Variants in LAMA2 observed in about 807,000 individuals in gnomAD.
The protein encoded by LAMA2 is laminin subunit alpha 2.
A neutral mutation model predicts 364.8 loss-of-function variants in LAMA2; 269 were observed. The ratio of observed to expected loss-of-function variants is 0.74; its 90% CI spans 0.67 to 0.82. LAMA2 has a LOEUF of 0.82. Ranked by LOEUF, LAMA2 falls within the 40% of genes least tolerant of loss-of-function variation. The probability of loss-of-function intolerance (pLI) is 0.00; values close to 1 mark genes in which losing one functional copy is unlikely to be tolerated. For synonymous variants in LAMA2, 1,379 were observed against 1,370.6 expected, an observed-to-expected ratio of 1.01 and a Z score of -0.14; for missense variants, 3,807 against 3,873.2, an observed-to-expected ratio of 0.98 and a Z score of 0.45.
intron 3 of LAMA2, among the ~76,000 whole-genome samples, chr6:129,077,579 T>C (rs1773742286): frequency 6.6e-6 from 1 of 152,176 alleles, no homozygotes; most frequent in African/African-American, 2.4e-5. Context: ...GATAAATATG[T>C]ATATGTAGTG....
intron 1 of LAMA2, among the ~76,000 whole-genome samples, chr6:128,892,944 C>A (rs150814408): frequency 6.6e-6 from 1 of 151,834 alleles, no homozygotes; most frequent in African/African-American, 2.4e-5. Context: ...AACTTGGGAA[C>A]GCTGGATTTT....
intron 1 of LAMA2, among the ~76,000 whole-genome samples, chr6:129,008,834 C>T (rs1784588748): frequency 6.6e-6 from 1 of 152,078 alleles, no homozygotes; most frequent in Admixed American, 6.6e-5. Context: ...ATTTTCCAAA[C>T]GATTCACACA....
intron 30 of LAMA2, among the ~76,000 whole-genome samples, chr6:129,346,196 A>G (rs1346047645): frequency 6.6e-6 from 1 of 152,196 alleles, no homozygotes; most frequent in Non-Finnish European, 1.5e-5. Flanking sequence ...CTCTTTGAGC[A>G]TTAGAAACCC....
chr6:129,388,034 G>T (rs923481585), intron 35 of LAMA2, among the ~76,000 whole-genome samples: 1 of 152,178 alleles, frequency 6.6e-6, no homozygotes. Flanking sequence ...AAGGCAGGCA[G>T]ATCACCTGAG....
intron 22 of LAMA2, among the ~76,000 whole-genome samples, chr6:129,308,491 G>A (rs1774015424): frequency 6.6e-6 from 1 of 152,120 alleles, no homozygotes; most frequent in Non-Finnish European, 1.5e-5. Flanking sequence ...TGAAAACGTA[G>A]TTATATGTTT....
chr6:129,362,750 G>C (rs906463936), intron 32 of LAMA2, among the ~76,000 whole-genome samples: 4 of 152,128 alleles, frequency 2.6e-5, no homozygotes, highest in South Asian at 2.1e-4. Flanking sequence ...CTGGCGCAGG[G>C]TATAGGGCTG....
At chr6:129,398,322 T>TG (rs1228910867) in intron 37 of LAMA2, among the ~76,000 whole-genome samples, 1 of 152,116 alleles carries the variant, frequency 6.6e-6, no homozygotes, top group Non-Finnish European at 1.5e-5. Flanking sequence ...TCAGGGACAT[T>TG]GGGACTCTTC....
At chr6:129,471,548 G>C (rs1346217785) in intron 51 of LAMA2, among the ~76,000 whole-genome samples, 1 of 151,834 alleles carries the variant, frequency 6.6e-6, no homozygotes, top group African/African-American at 2.4e-5. Flanking sequence ...TGTAGAAAGA[G>C]ACTATTTTCA....
At chr6:129,349,498 G>T (rs1170300164) in intron 31 of LAMA2, 114 bp downstream of exon 31, 16 of 893,584 alleles carry the variant, frequency 1.8e-5, no homozygotes, top group Non-Finnish European at 2.9e-5. Context: ...ATATCCTTTA[G>T]AAGTTTAAAT....
intron 18 of LAMA2, among the ~76,000 whole-genome samples, chr6:129,286,226 G>T (rs1789108587): frequency 6.6e-6 from 1 of 151,886 alleles, no homozygotes. Context: ...CTTCAATTTT[G>T]ACACTTGCTG....
At chr6:128,902,173 C>A (rs1175798084) in intron 1 of LAMA2, among the ~76,000 whole-genome samples, 1 of 152,214 alleles carries the variant, frequency 6.6e-6, no homozygotes. Context: ...TAATCACCTT[C>A]CAGGAGGTCC....
intron 41 of LAMA2, among the ~76,000 whole-genome samples, chr6:129,430,296 C>A (rs916640700): frequency 2.0e-5 from 3 of 152,062 alleles, no homozygotes; most frequent in African/African-American, 7.2e-5. Context: ...AATGGTGAGG[C>A]CAGTATACCC....
chr6:129,126,704 AT>A (rs1160342433), intron 4 of LAMA2, among the ~76,000 whole-genome samples: 2 of 152,072 alleles, frequency 1.3e-5, no homozygotes, highest in Non-Finnish European at 2.9e-5. Flanking sequence ...TTTAAAAAAA[AT>A]AAGTTTGTAA....
In LAMA2 at chr6:129,349,414, A is replaced by G. The variant is rs766892796; in HGVS notation, c.4523+30A>G. ...CAACAGCCATGAAACGTACAGAGTA[A>G]TGATATGTAGGGACTATATGGTAAA... On this transcript the variant is annotated intron_variant, in intron 31 of 64. Transcript: ENST00000421865. The G allele has an allele frequency of 2.0e-6, 3 of 1,512,784 alleles. No homozygotes were observed. The South Asian group carries it at 3.4e-5, about 17-fold the overall frequency. 93.7% of individuals were successfully genotyped at this position (1,512,784 alleles called of 1,614,324 possible).
At chr6:129,074,896 A>C (rs1773533496) in intron 3 of LAMA2, among the ~76,000 whole-genome samples, 2 of 152,226 alleles carry the variant, frequency 1.3e-5, no homozygotes, top group South Asian at 4.1e-4. Context: ...CTTATGGCAT[A>C]TCTGCCCTGA....
At chr6:129,234,442 A>G (rs1226940928) in intron 12 of LAMA2, among the ~76,000 whole-genome samples, 1 of 152,166 alleles carries the variant, frequency 6.6e-6, no homozygotes, top group Non-Finnish European at 1.5e-5. Context: ...ATATCACAGA[A>G]TCAGGATGTT....
chr6:129,319,309 G>C (rs912887249), intron 27 of LAMA2, among the ~76,000 whole-genome samples: 9 of 152,088 alleles, frequency 5.9e-5, no homozygotes, highest in African/African-American at 1.9e-4. Context: ...TTGTCTGTTT[G>C]CAAGAATATA....
intron 1 of LAMA2, among the ~76,000 whole-genome samples, chr6:128,955,403 A>G (rs1005628066): frequency 1.3e-5 from 2 of 151,990 alleles, no homozygotes; most frequent in Non-Finnish European, 2.9e-5. Flanking sequence ...TTTAGGCACT[A>G]AAATCTGTTT....
At chr6:129,200,223 T>TAC (rs368355146) in intron 12 of LAMA2, among the ~76,000 whole-genome samples, 2 of 90,980 alleles carry the variant, frequency 2.2e-5, no homozygotes, top group Non-Finnish European at 4.7e-5. Flanking sequence ...TGTATATATA[T>TAC]ACGTGTACAC....
Sources: allele counts gnomAD v4.1 joint callset (sites outside exome capture counted in the v4.1 genomes callset), GRCh38; gene constraint gnomAD v4.1.1; transcripts MANE v1.5; gene names NCBI Gene and HGNC (gene_info 2026-07-23, HGNC 2026-07-21).